NXPH1: variants seen among roughly 807,000 people sequenced by gnomAD.
NXPH1 encodes neurexophilin 1, also known as neurexophilin-1.
Under a neutral mutation model 23.7 loss-of-function variants are expected in NXPH1, and 5 were observed. The ratio of observed to expected loss-of-function variants is 0.21; its 90% CI spans 0.11 to 0.44. NXPH1 has a LOEUF of 0.44. Among genes scored for constraint, NXPH1 ranks in the 20% least tolerant of loss-of-function variants. The probability of loss-of-function intolerance (pLI) is 0.99; values close to 1 mark genes in which losing one functional copy is unlikely to be tolerated. For synonymous variants in NXPH1, 144 were observed against 122.2 expected, an observed-to-expected ratio of 1.18 and a Z score of -1.18; for missense variants, 324 against 321.6, an observed-to-expected ratio of 1.01 and a Z score of -0.06.
chr7:8,526,306 C>T (rs1234811334), intron 2 of NXPH1, among the ~76,000 whole-genome samples: 1 of 152,182 alleles, frequency 6.6e-6, no homozygotes, highest in Non-Finnish European at 1.5e-5. Flanking sequence ...AATGCTTGTA[C>T]TTCTATTGTA....
intron 2 of NXPH1, among the ~76,000 whole-genome samples, chr7:8,468,490 CT>C (rs1240336726): frequency 2.0e-5 from 3 of 152,032 alleles, no homozygotes; most frequent in African/African-American, 4.8e-5. Context: ...AATATAAAAT[CT>C]TTTGCTTTGC....
intron 2 of NXPH1, among the ~76,000 whole-genome samples, chr7:8,630,647 T>A (rs1310646734): frequency 6.6e-6 from 1 of 152,192 alleles, no homozygotes; most frequent in East Asian, 1.9e-4. Flanking sequence ...TGAACTTTTA[T>A]GTCTTGAGTT....
chr7:8,732,957 C>T (rs1051100747), intron 2 of NXPH1, among the ~76,000 whole-genome samples: 1 of 152,076 alleles, frequency 6.6e-6, no homozygotes, highest in African/African-American at 2.4e-5. Context: ...ATACATGTGC[C>T]ATGGTGGTTT....
chr7:8,680,549 G>A (rs1821033850), intron 2 of NXPH1, among the ~76,000 whole-genome samples: 1 of 152,072 alleles, frequency 6.6e-6, no homozygotes, highest in Admixed American at 6.5e-5. Flanking sequence ...CTTGTTCAAT[G>A]ACAAAAAAGC....
At chr7:8,648,961 A>G (rs10952113) in intron 2 of NXPH1, among the ~76,000 whole-genome samples, 106,595 of 151,576 alleles carry the variant, frequency 0.7, 38,310 homozygotes, top group East Asian at 1. Context: ...CTCTTTTTCC[A>G]ATGTAATCAT....
At chr7:8,512,804 G>A (rs1168241334) in intron 2 of NXPH1, among the ~76,000 whole-genome samples, 1 of 152,048 alleles carries the variant, frequency 6.6e-6, no homozygotes, top group African/African-American at 2.4e-5. Flanking sequence ...GTGTAGAAAA[G>A]GAGCGTTTCC....
intron 2 of NXPH1, among the ~76,000 whole-genome samples, chr7:8,620,841 A>G (rs1562430635): frequency 6.6e-6 from 1 of 152,222 alleles, no homozygotes; most frequent in Non-Finnish European, 1.5e-5. Context: ...GACAAGGACG[A>G]TTTAGAAATG....
chr7:8,490,737 A>G (rs1183264225), intron 2 of NXPH1, among the ~76,000 whole-genome samples: 2 of 152,038 alleles, frequency 1.3e-5, no homozygotes, highest in Non-Finnish European at 2.9e-5. Context: ...ATGGCAATAA[A>G]TATTTAAGGG....
At chr7:8,685,386 T>C (rs916850654) in intron 2 of NXPH1, among the ~76,000 whole-genome samples, 1 of 152,094 alleles carries the variant, frequency 6.6e-6, no homozygotes, top group Non-Finnish European at 1.5e-5. Context: ...CTTATTTCAC[T>C]TAACATAATG....
chr7:8,547,359 T>C (rs1327183235), intron 2 of NXPH1, among the ~76,000 whole-genome samples: 1 of 151,484 alleles, frequency 6.6e-6, no homozygotes, highest in Non-Finnish European at 1.5e-5. Context: ...TAAGGGGCCC[T>C]GAAGCTTAAG....
chr7:8,469,761 T>C (rs1024617006), intron 2 of NXPH1, among the ~76,000 whole-genome samples: 3 of 152,114 alleles, frequency 2.0e-5, no homozygotes, highest in Non-Finnish European at 2.9e-5. Flanking sequence ...AAGTCTTCCA[T>C]ATGTATGATA....
chr7:8,469,835 T>C (rs1273898821), intron 2 of NXPH1, among the ~76,000 whole-genome samples: 2 of 152,096 alleles, frequency 1.3e-5, no homozygotes, highest in Admixed American at 6.5e-5. Flanking sequence ...GCAACAATGT[T>C]TGTGAAATGT....
intron 2 of NXPH1, among the ~76,000 whole-genome samples, chr7:8,682,079 A>AG (rs1464083717): frequency 6.6e-6 from 1 of 152,162 alleles, no homozygotes; most frequent in Non-Finnish European, 1.5e-5. Context: ...TGCTGGGGTG[A>AG]GGGGTGATTG....
chr7:8,586,379 CTTAA>C (rs1818981811), intron 2 of NXPH1, among the ~76,000 whole-genome samples: 3 of 151,930 alleles, frequency 2.0e-5, no homozygotes, highest in Non-Finnish European at 2.9e-5. Context: ...TTCATAGAAA[CTTAA>C]TTAATAAAAG....
At chr7:8,470,306 G>A (rs1305335770) in intron 2 of NXPH1, among the ~76,000 whole-genome samples, 1 of 152,128 alleles carries the variant, frequency 6.6e-6, no homozygotes, top group African/African-American at 2.4e-5. Context: ...TATAAGTGAT[G>A]TTAATACATG....
At chr7:8,448,305 CTTGCTAACATT>C (rs1816440955) in intron 2 of NXPH1, among the ~76,000 whole-genome samples, 2 of 152,182 alleles carry the variant, frequency 1.3e-5, no homozygotes, top group African/African-American at 4.8e-5. Context: ...AGAAAAAAGT[CTTGCTAACATT>C]TTAGAAAGAA....
intron 2 of NXPH1, among the ~76,000 whole-genome samples, chr7:8,523,701 A>T (rs999441386): frequency 6.6e-6 from 1 of 152,182 alleles, no homozygotes; most frequent in African/African-American, 2.4e-5. Flanking sequence ...GCATACAACA[A>T]ACATTTGTTC....
intron 2 of NXPH1, among the ~76,000 whole-genome samples, chr7:8,733,393 C>A (rs1030443546): frequency 2.6e-5 from 4 of 152,116 alleles, no homozygotes; most frequent in African/African-American, 9.7e-5. Context: ...GATATATATA[C>A]CCAGTAATGG....
chr7:8,685,848 G>A (rs1183427790), intron 2 of NXPH1, among the ~76,000 whole-genome samples: 1 of 151,858 alleles, frequency 6.6e-6, no homozygotes, highest in Non-Finnish European at 1.5e-5. Context: ...GAATGAATAA[G>A]ACCTATTATT....
Sources: gnomAD v4.1 joint callset for allele counts (sites outside exome capture counted in the v4.1 genomes callset) on GRCh38, gnomAD v4.1.1 for gene constraint, MANE v1.5 for transcripts, NCBI Gene and HGNC (gene_info 2026-07-23, HGNC 2026-07-21) for gene names.